Variants in CTIF observed in about 807,000 individuals in gnomAD.
CTIF encodes the protein CBP80/20-dependent translation initiation factor.
Under a neutral mutation model 66.0 loss-of-function variants are expected in CTIF, and 21 were observed. The observed-to-expected ratio is 0.32, with a 90% CI of 0.23 to 0.46. The LOEUF (loss-of-function observed/expected upper bound fraction) is 0.46. Ranked by LOEUF, CTIF falls within the 20% of genes least tolerant of loss-of-function variation. The pLI is 1.00. For missense variants in CTIF, 739 were observed against 812.7 expected (o/e 0.91, Z 1.10); for synonymous variants, 345 against 326.4 (o/e 1.06, Z -0.62).
chr18:48,562,061 C>T (rs1398778672), intron 1 of CTIF, among the ~76,000 whole-genome samples: 1 of 152,248 alleles, frequency 6.6e-6, no homozygotes, highest in East Asian at 1.9e-4. Context: ...AAAACACTTG[C>T]TCACCCCTGA....
At chr18:48,592,889 G>C (rs1208196161) in intron 1 of CTIF, among the ~76,000 whole-genome samples, 4 of 152,228 alleles carry the variant, frequency 2.6e-5, no homozygotes, top group Admixed American at 2.6e-4. Flanking sequence ...AAAACATCTG[G>C]GGGCTTCCTC....
chr18:48,625,604 A>G (rs1401439208), intron 2 of CTIF, among the ~76,000 whole-genome samples: 2 of 152,186 alleles, frequency 1.3e-5, no homozygotes, highest in African/African-American at 4.8e-5. Flanking sequence ...TTGTCAAATC[A>G]TATATCATAG....
intron 9 of CTIF, among the ~76,000 whole-genome samples, chr18:48,782,516 G>A (rs769643147): frequency 3.3e-5 from 5 of 152,194 alleles, no homozygotes; most frequent in South Asian, 2.1e-4. Flanking sequence ...GACTGTGAGC[G>A]GGAGAGAAGC....
At chr18:48,731,770 G>C (rs930197175) in intron 7 of CTIF, among the ~76,000 whole-genome samples, 1 of 152,200 alleles carries the variant, frequency 6.6e-6, no homozygotes, top group African/African-American at 2.4e-5. Flanking sequence ...TATTGAAGCT[G>C]CTTTTTATGG....
chr18:48,703,664 T>C (rs2092113336), intron 6 of CTIF, among the ~76,000 whole-genome samples: 6 of 152,110 alleles, frequency 3.9e-5, no homozygotes. Flanking sequence ...GAAGGTTAAG[T>C]GGGCATTGGA....
At chr18:48,632,642 GCCGCCATCTGCCCTAAGCTGGCCAC>G (rs2090740190) in intron 2 of CTIF, among the ~76,000 whole-genome samples, 1 of 152,176 alleles carries the variant, frequency 6.6e-6, no homozygotes, top group Non-Finnish European at 1.5e-5. Context: ...TAGCCTGACA[GCCGCCATCTGCCCTAAGCTGGCCAC>G]GTTCTACTGA....
chr18:48,739,045 G>A (rs1210267202), intron 7 of CTIF, among the ~76,000 whole-genome samples: 1 of 152,158 alleles, frequency 6.6e-6, no homozygotes, highest in African/African-American at 2.4e-5. Flanking sequence ...CAGAAGGAAA[G>A]GTCAGCTCCC....
At chr18:48,554,446 C>T (rs2088966917) in intron 1 of CTIF, among the ~76,000 whole-genome samples, 1 of 152,246 alleles carries the variant, frequency 6.6e-6, no homozygotes, top group Non-Finnish European at 1.5e-5. Context: ...CAGGCCGAGG[C>T]AGGCACTGCG....
intron 1 of CTIF, among the ~76,000 whole-genome samples, chr18:48,563,494 C>T (rs1212896951): frequency 6.6e-5 from 10 of 152,078 alleles, no homozygotes; most frequent in Non-Finnish European, 1.5e-5. Flanking sequence ...GTTTTTTGGA[C>T]AGATTCTTAC....
chr18:48,765,850 A>G lies in CTIF; in HGVS notation c.1371+4161A>G, dbSNP rs556286209. Among the ~76,000 whole-genome samples, 5 of 152,112 alleles carry G rather than the reference A, an allele frequency of 3.3e-5. No individual in the cohort carries two copies. The East Asian group carries it at 7.7e-4, about 23-fold the overall frequency. Reference sequence around the variant, plus strand: ...CCAAGCCAATTCCTTTTTACCTGAAATGTGGCCCTTTTATTAGTAGTGTCC... The same window carrying G: ...CCAAGCCAATTCCTTTTTACCTGAAGTGTGGCCCTTTTATTAGTAGTGTCC... On this transcript the variant is annotated intron_variant, in intron 9 of 11. Coordinates refer to ENST00000256413, the MANE Select transcript of CTIF (RefSeq NM_014772.3).
At chr18:48,632,994 G>T (rs1170559530) in intron 2 of CTIF, among the ~76,000 whole-genome samples, 9 of 32,770 alleles carry the variant, frequency 2.7e-4, no homozygotes, top group African/African-American at 4.3e-4. Flanking sequence ...GTTGCATACG[G>T]ATGTGCACGA....
chr18:48,827,902 C>T (rs2068615564), intron 10 of CTIF, among the ~76,000 whole-genome samples: 1 of 152,166 alleles, frequency 6.6e-6, no homozygotes, highest in Non-Finnish European at 1.5e-5. Flanking sequence ...CAGACCCCCA[C>T]GCCCCAAACA....
At chr18:48,646,037 T>A (rs144364999) in intron 3 of CTIF, among the ~76,000 whole-genome samples, 12 of 152,214 alleles carry the variant, frequency 7.9e-5, no homozygotes, top group African/African-American at 2.9e-4. Flanking sequence ...ACTGAAATAA[T>A]CAATGGATGT....
At chr18:48,775,213 T>C (rs1210831510) in intron 9 of CTIF, among the ~76,000 whole-genome samples, 3 of 152,126 alleles carry the variant, frequency 2.0e-5, no homozygotes, top group Non-Finnish European at 2.9e-5. Flanking sequence ...TTAAATGGGG[T>C]CATAATACCC....
intron 6 of CTIF, among the ~76,000 whole-genome samples, chr18:48,673,408 G>A (rs1033396849): frequency 1.1e-4 from 17 of 150,768 alleles, no homozygotes; most frequent in African/African-American, 3.4e-4. Context: ...TGCTCTTCTC[G>A]GTGTGATTTC....
At chr18:48,773,195 C>T (rs1395341328) in intron 9 of CTIF, among the ~76,000 whole-genome samples, 1 of 152,184 alleles carries the variant, frequency 6.6e-6, no homozygotes, top group Non-Finnish European at 1.5e-5. Context: ...CAGTCCAACC[C>T]CCTCGTATTA....
chr18:48,765,890 C>A (rs1019893393), intron 9 of CTIF, among the ~76,000 whole-genome samples: 1 of 150,052 alleles, frequency 6.7e-6, no homozygotes, highest in Middle Eastern at 3.4e-3. Flanking sequence ...AAGTAAAATT[C>A]TATTTATTAA....
chr18:48,713,071 C>T (rs2092244645), intron 7 of CTIF, among the ~76,000 whole-genome samples: 1 of 152,194 alleles, frequency 6.6e-6, no homozygotes, highest in South Asian at 2.1e-4. Context: ...TTTATCGCAT[C>T]GTGTGTGCTG....
chr18:48,650,635 T>C (rs563928766), intron 3 of CTIF, among the ~76,000 whole-genome samples: 2 of 152,242 alleles, frequency 1.3e-5, no homozygotes, highest in East Asian at 1.9e-4. Flanking sequence ...ACCATAAAGA[T>C]ACTCCTTGAG....
Sources: allele counts gnomAD v4.1 joint callset (sites outside exome capture counted in the v4.1 genomes callset), GRCh38; gene constraint gnomAD v4.1.1; transcripts MANE v1.5; gene names NCBI Gene and HGNC (gene_info 2026-07-23, HGNC 2026-07-21).